Variants in GALNT13 observed in about 807,000 individuals in gnomAD.
The protein encoded by GALNT13 is UDP-GalNAc:polypeptide N-acetylgalactosaminyltransferase 13.
A neutral mutation model predicts 64.2 loss-of-function variants in GALNT13; 28 were observed. The observed-to-expected ratio is 0.44, with a 90% CI of 0.32 to 0.60. The LOEUF is 0.60. Among genes scored for constraint, GALNT13 ranks in the 20% least tolerant of loss-of-function variants. The pLI is 0.05. For missense variants in GALNT13, 577 were observed against 669.8 expected (o/e 0.86, Z 1.53); for synonymous variants, 214 against 224.6 (o/e 0.95, Z 0.42).
chr2:154,414,534 A>G (rs1699923895), intron 11 of GALNT13, among the ~76,000 whole-genome samples: 1 of 150,690 alleles, frequency 6.6e-6, no homozygotes, highest in South Asian at 2.1e-4. Flanking sequence ...TATCTTTGCC[A>G]TTTTAGTATG....
rs533499535 is a variant in GALNT13, at chr2:154,030,549, A to G, written c.142+85910A>G. Among the ~76,000 whole-genome samples, 24 of 152,236 alleles carry G rather than the reference A, an allele frequency of 1.6e-4. No individual in the cohort carries two copies. The Middle Eastern group carries it at 0.01, about 65-fold the overall frequency. On this transcript the variant is annotated intron_variant, in intron 3 of 12. Transcript: ENST00000392825. Reference sequence around the variant, plus strand: ...GTTCTTTAGGGATATGGAATGTAATACCAGAGTTAAACTTGGTTATTGATA... The same window carrying G: ...GTTCTTTAGGGATATGGAATGTAATGCCAGAGTTAAACTTGGTTATTGATA...
the GALNT13 span, among the ~76,000 whole-genome samples, chr2:153,264,507 A>C: frequency 6.6e-6 from 1 of 152,228 alleles, no homozygotes; most frequent in Non-Finnish European, 1.5e-5. Flanking sequence ...TTGTAACACT[A>C]TTCACAATAG....
intron 2 of GALNT13, among the ~76,000 whole-genome samples, chr2:153,931,715 G>A (rs1690533454): frequency 6.6e-6 from 1 of 152,104 alleles, no homozygotes; most frequent in South Asian, 2.1e-4. Flanking sequence ...GATCATGGTG[G>A]ATTAGCTTTT....
chr2:153,579,159 C>G, the GALNT13 span, among the ~76,000 whole-genome samples: 1 of 152,164 alleles, frequency 6.6e-6, no homozygotes, highest in Non-Finnish European at 1.5e-5. Context: ...GTCCTTCTCT[C>G]TACCTAGAGA....
the GALNT13 span, among the ~76,000 whole-genome samples, chr2:153,315,937 T>C: frequency 4.1e-5 from 6 of 147,338 alleles, no homozygotes; most frequent in Admixed American, 4.1e-4. Context: ...CAATATAATA[T>C]ACTCCTAAAA....
intron 12 of GALNT13, among the ~76,000 whole-genome samples, chr2:154,446,119 A>C (rs761767647): frequency 1.3e-5 from 2 of 151,974 alleles, no homozygotes; most frequent in African/African-American, 4.8e-5. Context: ...TAAAGCCTTA[A>C]AGCTAAATTA....
chr2:153,541,150 G>A, the GALNT13 span, among the ~76,000 whole-genome samples: 19,008 of 152,058 alleles, frequency 0.13, 2,238 homozygotes, highest in East Asian at 0.39. Flanking sequence ...TAGATCATAG[G>A]TGTTGTTCCC....
the GALNT13 span, among the ~76,000 whole-genome samples, chr2:153,149,784 G>A: frequency 4.0e-5 from 6 of 151,548 alleles, no homozygotes; most frequent in East Asian, 1.9e-4. Flanking sequence ...CTGTTAATAC[G>A]GTATATCTCA....
intron 8 of GALNT13, among the ~76,000 whole-genome samples, chr2:154,261,004 C>T (rs765912378): frequency 3.3e-5 from 5 of 152,096 alleles, no homozygotes; most frequent in Non-Finnish European, 5.9e-5. Flanking sequence ...TCACATATCT[C>T]CCAGATTGGC....
chr2:153,819,905 C>A, the GALNT13 span, among the ~76,000 whole-genome samples: 1 of 152,090 alleles, frequency 6.6e-6, no homozygotes, highest in African/African-American at 2.4e-5. Flanking sequence ...GCAGTGGGTC[C>A]TAATCAAAAT....
At chr2:153,650,511 T>G in the GALNT13 span, among the ~76,000 whole-genome samples, 1 of 152,208 alleles carries the variant, frequency 6.6e-6, no homozygotes, top group African/African-American at 2.4e-5. Context: ...GTCATTATGA[T>G]GTTAGCTGGT....
chr2:153,639,473 A>G, the GALNT13 span, among the ~76,000 whole-genome samples: 2 of 152,228 alleles, frequency 1.3e-5, no homozygotes, highest in Non-Finnish European at 1.5e-5. Flanking sequence ...TTGAAAGACC[A>G]TGTACATGAA....
chr2:153,145,101 G>T, the GALNT13 span, among the ~76,000 whole-genome samples: 2 of 151,720 alleles, frequency 1.3e-5, no homozygotes, highest in Non-Finnish European at 2.9e-5. Flanking sequence ...GAAGTGAAAG[G>T]CATGGTTTTA....
At chr2:153,903,735 T>C (rs1688383098) in intron 2 of GALNT13, among the ~76,000 whole-genome samples, 1 of 152,050 alleles carries the variant, frequency 6.6e-6, no homozygotes, top group Admixed American at 6.6e-5. Flanking sequence ...GGTAACAGTT[T>C]TCTATTTTTC....
At chr2:154,089,103 A>G (rs931065658) in intron 3 of GALNT13, among the ~76,000 whole-genome samples, 1 of 152,022 alleles carries the variant, frequency 6.6e-6, no homozygotes, top group African/African-American at 2.4e-5. Flanking sequence ...AATCTCTATT[A>G]TTATTCAGAG....
the GALNT13 span, among the ~76,000 whole-genome samples, chr2:153,466,139 A>G: frequency 6.6e-6 from 1 of 152,116 alleles, no homozygotes; most frequent in Non-Finnish European, 1.5e-5. Context: ...GTCATCCAGT[A>G]TCAGAGAATT....
intron 4 of GALNT13, among the ~76,000 whole-genome samples, chr2:154,235,656 A>G (rs1002140623): frequency 4.6e-5 from 7 of 152,164 alleles, no homozygotes; most frequent in Non-Finnish European, 8.8e-5. Flanking sequence ...CACTGGCTCA[A>G]TGAGCAGCAG....
the GALNT13 span, among the ~76,000 whole-genome samples, chr2:153,178,703 G>A: frequency 2.2e-5 from 3 of 138,962 alleles, no homozygotes; most frequent in Non-Finnish European, 3.2e-5. Flanking sequence ...AAGCTTTTTA[G>A]TTTGATGCAA....
the GALNT13 span, among the ~76,000 whole-genome samples, chr2:153,416,923 G>T: frequency 4.3e-4 from 65 of 152,300 alleles, no homozygotes; most frequent in African/African-American, 1.5e-3. Context: ...CAGGACCTTA[G>T]AAAGGGACCA....
Sources: gnomAD v4.1 joint callset for allele counts (sites outside exome capture counted in the v4.1 genomes callset) on GRCh38, gnomAD v4.1.1 for gene constraint, MANE v1.5 for transcripts, NCBI Gene and HGNC (gene_info 2026-07-23, HGNC 2026-07-21) for gene names.